Variants in TM4SF5 observed in about 807,000 individuals in gnomAD.
The protein encoded by TM4SF5 is transmembrane 4 L six family member 5.
A neutral mutation model predicts 22.3 loss-of-function variants in TM4SF5; 16 were observed. That is an observed-to-expected ratio of 0.72 (90% CI 0.49 to 1.09). The LOEUF is 1.09. TM4SF5 is among the 50% of genes least tolerant of loss of function. TM4SF5 has a pLI of 0.00. For missense variants in TM4SF5, 249 were observed against 266.1 expected (o/e 0.94, Z 0.45); for synonymous variants, 113 against 109.6 (o/e 1.03, Z -0.19).
In TM4SF5 at chr17:4,783,183, C is replaced by T. The variant is rs528073876; in HGVS notation, c.*55C>T. The T allele has an allele frequency of 3.4e-4, 286 of 846,062 alleles. No individual in the cohort carries two copies. Among genetic ancestry groups the T allele is most frequent in the Non-Finnish European group, 4.6e-4 (276 of 596,214 alleles). The allele number at this position is 846,062 out of a possible 1,614,324, so 52.4% of individuals were successfully genotyped here. A position where few individuals can be genotyped will look rare whatever the true frequency, so the allele number is the denominator to read the frequency against. On this transcript the variant is annotated 3_prime_UTR_variant, in exon 5 of 5. Transcript: ENST00000270560. The stretch of plus-strand genomic sequence containing the variant: ...TCCTTCCTGGACGCTCACTCCCTTG[C>T]TCGCTAGAATAAACTGCTTTGCGCT...
chr17:4,772,707 G>GC (rs1031202062), intron 1 of TM4SF5, among the ~76,000 whole-genome samples: 9 of 147,624 alleles, frequency 6.1e-5, no homozygotes, highest in African/African-American at 2.3e-4. Flanking sequence ...TGGTTTTTGT[G>GC]TTTGTTTTTT....
chr17:4,774,320 G>A (rs968582064), intron 1 of TM4SF5, among the ~76,000 whole-genome samples: 7 of 152,114 alleles, frequency 4.6e-5, no homozygotes, highest in East Asian at 1.9e-4. Context: ...CCAGTCTCAC[G>A]GAAGCAAGGC....
chr17:4,779,147 C>A (rs1052644324), intron 1 of TM4SF5, among the ~76,000 whole-genome samples: 1 of 151,732 alleles, frequency 6.6e-6, no homozygotes, highest in Admixed American at 6.6e-5. Context: ...CAGTTGAAAG[C>A]TATGTTTAGG....
At chr17:4,779,307 C>T (rs1425639907) in intron 1 of TM4SF5, among the ~76,000 whole-genome samples, 3 of 148,394 alleles carry the variant, frequency 2.0e-5, no homozygotes, top group Non-Finnish European at 4.5e-5. Context: ...CGCATGCCTG[C>T]GATACCAGCT....
intron 1 of TM4SF5, among the ~76,000 whole-genome samples, chr17:4,778,436 A>G (rs1230497315): frequency 6.6e-6 from 1 of 151,948 alleles, no homozygotes; most frequent in Non-Finnish European, 1.5e-5. Flanking sequence ...CAACATGGTA[A>G]GACATGAACT....
In TM4SF5 at chr17:4,782,884, G is replaced by C; in HGVS notation, c.426G>C (p.Trp142Cys). The change falls in exon 4 of 5, where the codon TGG becomes TGC. Residue 142 changes from tryptophan (W) to cysteine (C), a missense_variant. By Grantham distance (215) the Trp-to-Cys change is radical. Transcript: ENST00000270560. ...AGAYLLNRTL[W>C]DRCEAPPRVV... is the part of the protein sequence containing the mutation. ...CTTACTTGCTCAACCGCACTCTATG[G>C]GATCGGTGCGAGGCGCCCCCTCGCG... is the stretch of plus-strand genomic sequence containing the variant. 6.2e-7 allele frequency: 1 copy of C among 1,614,094 alleles called. No individual in the cohort carries two copies. Among genetic ancestry groups the C allele is most frequent in the Non-Finnish European group, 8.5e-7 (1 of 1,180,010 alleles).
At chr17:4,774,901 C>T (rs188616629) in intron 1 of TM4SF5, among the ~76,000 whole-genome samples, 3 of 152,204 alleles carry the variant, frequency 2.0e-5, no homozygotes, top group Non-Finnish European at 1.5e-5. Flanking sequence ...GAGTGAAACT[C>T]TGTCTCAAAA....
At chr17:4,773,485 A>G (rs1490109962) in intron 1 of TM4SF5, among the ~76,000 whole-genome samples, 1 of 152,176 alleles carries the variant, frequency 6.6e-6, no homozygotes, top group Non-Finnish European at 1.5e-5. Flanking sequence ...AGATCTACCC[A>G]GCACAGTTCC....
At chr17:4,772,533 C>T (rs1234085088) in intron 1 of TM4SF5, among the ~76,000 whole-genome samples, 1 of 152,126 alleles carries the variant, frequency 6.6e-6, no homozygotes, top group Non-Finnish European at 1.5e-5. Flanking sequence ...CAGTCACCCT[C>T]GCTTGCCTCC....
chr17:4,783,199 G>A lies in TM4SF5; in HGVS notation c.*71G>A. 2 of 1,596,558 alleles carry A rather than the reference G, an allele frequency of 1.3e-6. No individual in the cohort carries two copies. Among genetic ancestry groups the A allele is most frequent in the East Asian group, 4.5e-5 (2 of 44,766 alleles). ...ACTCCCTTGCTCGCTAGAATAAACTGCTTTGCGCTCTCTTCTCTGTCTGAG... is the reference window on the plus strand; with the variant it reads ...ACTCCCTTGCTCGCTAGAATAAACTACTTTGCGCTCTCTTCTCTGTCTGAG... On this transcript the variant is annotated 3_prime_UTR_variant, in exon 5 of 5. Transcript: ENST00000270560.
At chr17:4,774,443 G>A (rs544658686) in intron 1 of TM4SF5, among the ~76,000 whole-genome samples, 3 of 151,814 alleles carry the variant, frequency 2.0e-5, no homozygotes, top group African/African-American at 4.8e-5. Context: ...GAATGGCAGC[G>A]TGTGCCTGTA....
rs1917353501 is a variant in TM4SF5, at chr17:4,783,189, A to G, written c.*61A>G. 5.7e-6 allele frequency: 6 copies of G among 1,049,572 alleles called. No individual in the cohort carries two copies. The South Asian group carries it at 1.3e-4, about 23-fold the overall frequency. The allele number at this position is 1,049,572 out of a possible 1,614,324, so 65.0% of individuals were successfully genotyped here. On this transcript the variant is annotated 3_prime_UTR_variant, in exon 5 of 5. Coordinates refer to ENST00000270560, the MANE Select transcript of TM4SF5 (RefSeq NM_003963.3). ...CTGGACGCTCACTCCCTTGCTCGCT[A>G]GAATAAACTGCTTTGCGCTCTCTTC...
At chr17:4,778,985 A>G (rs1243290087) in intron 1 of TM4SF5, among the ~76,000 whole-genome samples, 1 of 145,406 alleles carries the variant, frequency 6.9e-6, no homozygotes, top group Non-Finnish European at 1.5e-5. Context: ...TGAACCTGGG[A>G]GGTGGAGGTT....
chr17:4,776,055 G>C (rs1016862756), intron 1 of TM4SF5, among the ~76,000 whole-genome samples: 1 of 151,510 alleles, frequency 6.6e-6, no homozygotes, highest in South Asian at 2.1e-4. Context: ...CGCCATGTTG[G>C]TCAGGCTGGT....
intron 1 of TM4SF5, among the ~76,000 whole-genome samples, chr17:4,775,213 G>A (rs527339058): frequency 6.6e-6 from 1 of 152,068 alleles, no homozygotes; most frequent in African/African-American, 2.4e-5. Context: ...CCACAGTGGA[G>A]TCATTTGAAT....
chr17:4,782,867 C>G lies in TM4SF5; in HGVS notation c.409C>G (p.Leu137Val). The G allele has an allele frequency of 1.2e-6, 2 of 1,612,850 alleles. No homozygotes were observed. Among genetic ancestry groups the G allele is most frequent in the Non-Finnish European group, 1.7e-6 (2 of 1,179,346 alleles). The change falls in exon 4 of 5, where the codon CTC becomes GTC. Residue 137 changes from leucine (L) to valine (V), a missense_variant. Physicochemically the swap from Leu to Val is conservative, Grantham distance 32. Transcript: ENST00000270560. ...HFEDTAGAYL[L>V]NRTLWDRCEA... ...CCCCTCCCACAGGGGAGCTTACTTGCTCAACCGCACTCTATGGGATCGGTG... is the reference window on the plus strand; with the variant it reads ...CCCCTCCCACAGGGGAGCTTACTTGGTCAACCGCACTCTATGGGATCGGTG...
chr17:4,779,255 C>T (rs1003539639), intron 1 of TM4SF5, among the ~76,000 whole-genome samples: 1 of 151,724 alleles, frequency 6.6e-6, no homozygotes, highest in African/African-American at 2.4e-5. Flanking sequence ...ATAGCAAGAC[C>T]CCATGTCTAC....
intron 1 of TM4SF5, among the ~76,000 whole-genome samples, chr17:4,774,171 C>T (rs181458854): frequency 2.6e-5 from 4 of 152,334 alleles, no homozygotes; most frequent in Admixed American, 1.3e-4. Context: ...GAGATTGCGC[C>T]ATTGTGCTCC....
Position 4,782,573 on chromosome 17 carries a change from C to A in TM4SF5, c.329C>A (p.Ala110Asp), listed in dbSNP as rs762542848. ...ATCTACTGCCTCTCGGTGTCTGGAGCTGGGCTCCGAAATGGACCCAGATGC... is the reference window on the plus strand; with the variant it reads ...ATCTACTGCCTCTCGGTGTCTGGAGATGGGCTCCGAAATGGACCCAGATGC... ...GAIYCLSVSG[A>D]GLRNGPRCLM... The change falls in exon 3 of 5, where the codon GCT (alanine) becomes GAT (aspartate). Residue 110 changes from alanine to aspartate, a missense_variant. Ala to Asp is a moderately radical substitution (Grantham distance 126, BLOSUM62 -2). Coordinates refer to ENST00000270560, the MANE Select transcript of TM4SF5 (RefSeq NM_003963.3). The A allele has an allele frequency of 6.2e-6, 10 of 1,614,116 alleles. No homozygotes were observed. In the South Asian group the frequency reaches 1.1e-4, roughly 18 times the overall value.
Sources: gnomAD v4.1 joint callset for allele counts (sites outside exome capture counted in the v4.1 genomes callset) on GRCh38, gnomAD v4.1.1 for gene constraint, MANE v1.5 for transcripts, NCBI Gene and HGNC (gene_info 2026-07-23, HGNC 2026-07-21) for gene names.